The following THADA variants were observed in gnomAD, a reference collection of about 807,000 sequenced individuals.
THADA encodes the protein tRNA (32-2'-O)-methyltransferase regulator THADA.
THADA carries 213 observed loss-of-function variants against 219.8 expected under a neutral mutation model. The ratio of observed to expected loss-of-function variants is 0.97; its 90% CI spans 0.87 to 1.09. THADA has a LOEUF of 1.09. Among genes scored for constraint, THADA ranks in the 50% least tolerant of loss-of-function variants. THADA has a pLI of 0.00. For missense variants in THADA, 2,956 were observed against 2,311.3 expected (o/e 1.28, Z -5.72); for synonymous variants, 1,018 against 828.9 (o/e 1.23, Z -3.92).
intron 26 of THADA, among the ~76,000 whole-genome samples, chr2:43,439,590 CA>C (rs1329408507): frequency 1.4e-5 from 1 of 69,208 alleles, no homozygotes; most frequent in Non-Finnish European, 3.0e-5. Flanking sequence ...GGCCCCAAAG[CA>C]CAAGAGTGTG....
intron 36 of THADA, among the ~76,000 whole-genome samples, chr2:43,276,981 C>A (rs1317391097): frequency 6.6e-6 from 1 of 152,176 alleles, no homozygotes; most frequent in Non-Finnish European, 1.5e-5. Context: ...CAACCCCCAA[C>A]CAGTATTCTC....
chr2:43,275,079 T>C (rs971107436), intron 36 of THADA, among the ~76,000 whole-genome samples: 8 of 150,458 alleles, frequency 5.3e-5, no homozygotes, highest in Non-Finnish European at 7.4e-5. Flanking sequence ...ACTGCATTAC[T>C]GCGAAAATTC....
chr2:43,508,677 G>T lies in THADA; in HGVS notation c.3478C>A (p.Arg1160Ser). Residue 1160 changes from arginine (R) to serine (S), a missense_variant, in exon 23 of 38, where the codon CGC (arginine) becomes AGC (serine). By Grantham distance (110) the Arg-to-Ser change is moderately radical (BLOSUM62 -1). Transcript: ENST00000405975. ...ATGTAGAAAGGAATTCCAGCACTGC[G>T]CCTTGTAGCACAGAGTTTAGATGAA... is the stretch of plus-strand genomic sequence containing the variant. ...DPSSKLCATR[R>S]SAGIPFYIQA... is the part of the protein sequence containing the mutation. 1 of 1,613,518 alleles carries T rather than the reference G, an allele frequency of 6.2e-7. No individual in the cohort carries two copies.
At chr2:43,410,210 C>A (rs1676109494) in intron 28 of THADA, among the ~76,000 whole-genome samples, 1 of 152,088 alleles carries the variant, frequency 6.6e-6, no homozygotes, top group African/African-American at 2.4e-5. Context: ...TATATACTCA[C>A]TAGAAAGGCT....
chr2:43,279,698 T>C (rs1490908377), intron 36 of THADA, 67 bp downstream of exon 36: 3 of 1,492,514 alleles, frequency 2.0e-6, no homozygotes, highest in Non-Finnish European at 1.8e-6. Flanking sequence ...TCTGGCTCAT[T>C]ATAGAAAAGT....
chr2:43,584,399 A>C (rs757029026), intron 7 of THADA, among the ~76,000 whole-genome samples: 1 of 152,166 alleles, frequency 6.6e-6, no homozygotes, highest in Non-Finnish European at 1.5e-5. Flanking sequence ...TAAGCAGTTC[A>C]AACGAACAAA....
At chr2:43,372,093 C>G (rs1670873798) in intron 29 of THADA, 1 of 152,188 alleles carries the variant, frequency 6.6e-6, no homozygotes, top group Non-Finnish European at 1.5e-5. Context: ...AAACTTCTTT[C>G]TTAGTAGTCT....
chr2:43,529,756 T>C (rs1693626179), intron 21 of THADA, among the ~76,000 whole-genome samples: 1 of 152,190 alleles, frequency 6.6e-6, no homozygotes, highest in African/African-American at 2.4e-5. Flanking sequence ...TCAGATATGC[T>C]TACCTAGAAA....
chr2:43,470,367 T>C (rs919632706), intron 26 of THADA, among the ~76,000 whole-genome samples: 13 of 152,102 alleles, frequency 8.5e-5, no homozygotes, highest in Non-Finnish European at 1.8e-4. Context: ...TACGTAAAGA[T>C]GCTCACCATA....
chr2:43,585,822 G>A (rs1429470181), intron 7 of THADA, among the ~76,000 whole-genome samples: 1 of 151,976 alleles, frequency 6.6e-6, no homozygotes, highest in East Asian at 1.9e-4. Context: ...GTGAGGAAAA[G>A]AGTTCTTTCA....
chr2:43,275,630 T>A (rs907057232), intron 36 of THADA, among the ~76,000 whole-genome samples: 37 of 152,186 alleles, frequency 2.4e-4, no homozygotes, highest in African/African-American at 8.9e-4. Flanking sequence ...CCACACCAGA[T>A]AACTTGCATC....
intron 28 of THADA, among the ~76,000 whole-genome samples, chr2:43,423,581 T>C (rs1678014759): frequency 6.6e-6 from 1 of 152,070 alleles, no homozygotes; most frequent in South Asian, 2.1e-4. Flanking sequence ...TACAGGCGCC[T>C]GCCACTATGC....
rs150542958 is a variant in THADA at position 43,504,351 on chromosome 2, C to A, written c.3621+1271G>T. Among the ~76,000 whole-genome samples, 37 of 152,258 alleles carry A rather than the reference C, an allele frequency of 2.4e-4. No individual in the cohort carries two copies. In the East Asian group the frequency reaches 6.8e-3, roughly 28 times the overall value. Reference sequence around the variant, plus strand: ...ATGACTGTGGAAAAGAATGGGGATTCTTTCCCACAGTCCACATTCTGGCCC... The same window carrying A: ...ATGACTGTGGAAAAGAATGGGGATTATTTCCCACAGTCCACATTCTGGCCC... On this transcript the variant is annotated intron_variant, in intron 24 of 37. Coordinates refer to ENST00000405975, the MANE Select transcript of THADA (RefSeq NM_022065.5).
intron 31 of THADA, among the ~76,000 whole-genome samples, chr2:43,293,490 C>CGA (rs903852316): frequency 2.8e-4 from 43 of 152,190 alleles, no homozygotes; most frequent in African/African-American, 9.6e-4. Context: ...TCAATAAATA[C>CGA]GAACTCAGTG....
At chr2:43,341,490 C>A (rs1667054234) in intron 30 of THADA, among the ~76,000 whole-genome samples, 1 of 152,162 alleles carries the variant, frequency 6.6e-6, no homozygotes, top group South Asian at 2.1e-4. Flanking sequence ...TGTCAGCCAT[C>A]TTCAGGCACT....
chr2:43,244,760 TC>T (rs1459251261), intron 36 of THADA, among the ~76,000 whole-genome samples: 2 of 152,208 alleles, frequency 1.3e-5, no homozygotes, highest in African/African-American at 2.4e-5. Flanking sequence ...GATGAGTCCC[TC>T]CCTATGCCTG....
At position 43,366,026 on chromosome 2, in the gene THADA, A is replaced by T. The variant is rs145963891; in HGVS notation, c.4228-21789T>A. On this transcript the variant is annotated intron_variant, in intron 29 of 37. Transcript: ENST00000405975. The stretch of plus-strand genomic sequence containing the variant: ...TGAATATTGTGTACAGTAAAAAATG[A>T]CCCTTGAATTATGTTGAGCATAGAG... Among the ~76,000 whole-genome samples, 243 of 152,296 alleles carry T rather than the reference A, an allele frequency of 1.6e-3. 1 individual carries two copies. Among genetic ancestry groups the T allele is most frequent in the African/African-American group, 5.8e-3 (239 of 41,556 alleles).
chr2:43,303,563 T>C (rs1425137424), intron 31 of THADA, among the ~76,000 whole-genome samples: 2 of 146,766 alleles, frequency 1.4e-5, no homozygotes, highest in East Asian at 3.9e-4. Context: ...ATAGGTTTGT[T>C]AAATTAAAAA....
intron 35 of THADA, among the ~76,000 whole-genome samples, chr2:43,282,555 G>C (rs1459153598): frequency 2.0e-5 from 3 of 152,170 alleles, no homozygotes; most frequent in Non-Finnish European, 2.9e-5. Context: ...GCTGGGCATG[G>C]AAGAGGTACA....
Sources: allele counts gnomAD v4.1 joint callset (sites outside exome capture counted in the v4.1 genomes callset), GRCh38; gene constraint gnomAD v4.1.1; transcripts MANE v1.5; gene names NCBI Gene and HGNC (gene_info 2026-07-23, HGNC 2026-07-21).